LCA5L: variants seen among roughly 807,000 people sequenced by gnomAD.
LCA5L encodes lebercilin LCA5 like.
In LCA5L, 35 loss-of-function variants were observed where a neutral mutation model predicts 45.4. The observed-to-expected ratio is 0.77, with a 90% CI of 0.59 to 1.02. The LOEUF is 1.02. Among genes scored for constraint, LCA5L ranks in the 50% least tolerant of loss-of-function variants. The pLI is 0.00. For missense variants in LCA5L, 668 were observed against 761.6 expected, an observed-to-expected ratio of 0.88 and a Z score of 1.45; for synonymous variants, 233 against 264.7, an observed-to-expected ratio of 0.88 and a Z score of 1.16.
At chr21:39,421,286 A>G (rs4468898) in intron 6 of LCA5L, among the ~76,000 whole-genome samples, 152,184 of 152,184 alleles carry the variant, frequency 1, 76,092 homozygotes, top group Non-Finnish European at 1. Flanking sequence ...ATTTTTAGTA[A>G]AGACAGGGTT....
intron 7 of LCA5L, among the ~76,000 whole-genome samples, chr21:39,416,813 T>C (rs1033959100): frequency 2.0e-5 from 3 of 152,224 alleles, no homozygotes; most frequent in Non-Finnish European, 1.5e-5. Flanking sequence ...GTAAGATTTT[T>C]TTGTAAAGTT....
Position 39,427,437 on chromosome 21 carries a change from C to T in LCA5L, c.322+735G>A, listed in dbSNP as rs566743605. On this transcript the variant is annotated intron_variant, in intron 5 of 10. Transcript: ENST00000288350. The stretch of plus-strand genomic sequence containing the variant: ...CAGCACTTTGGGAGGCCGAGGCAGG[C>T]GGATCACGAGGTCAGGAGATCGAGA... 5.3e-5 allele frequency among the ~76,000 whole-genome samples: 8 copies of T among 151,914 alleles called. No homozygotes were observed. In the East Asian group the frequency reaches 1.2e-3, roughly 22 times the overall value.
intron 3 of LCA5L, among the ~76,000 whole-genome samples, chr21:39,433,916 A>ACC (rs914727466): frequency 7.1e-6 from 1 of 139,956 alleles, no homozygotes; most frequent in African/African-American, 2.6e-5. Flanking sequence ...GGTCCATGCC[A>ACC]CCACATCCAG....
At chr21:39,442,072 A>T (rs1354132127) in intron 2 of LCA5L, among the ~76,000 whole-genome samples, 1 of 146,172 alleles carries the variant, frequency 6.8e-6, no homozygotes, top group Non-Finnish European at 1.5e-5. Flanking sequence ...AAGGAAGGAG[A>T]TACAACTCTG....
chr21:39,445,095 C>T (rs1028249746), intron 1 of LCA5L, among the ~76,000 whole-genome samples: 1 of 27,568 alleles, frequency 3.6e-5, no homozygotes, highest in African/African-American at 1.4e-4. Flanking sequence ...CACATTCAGC[C>T]GTGAAAACTG....
intron 2 of LCA5L, among the ~76,000 whole-genome samples, chr21:39,441,208 C>T (rs186548049): frequency 6.6e-6 from 1 of 152,068 alleles, no homozygotes; most frequent in Admixed American, 6.6e-5. Context: ...CCCAGCCACT[C>T]AGGAGGCTGA....
Position 39,405,974 on chromosome 21 carries a change from T to C in LCA5L, c.1921A>G (p.Thr641Ala). 4 of 1,612,902 alleles carry C rather than the reference T, an allele frequency of 2.5e-6. No homozygotes were observed. Among genetic ancestry groups the C allele is most frequent in the Non-Finnish European group, 3.4e-6 (4 of 1,179,698 alleles). The stretch of plus-strand genomic sequence containing the variant: ...TTAGAGTCTCCGAAAGCATGGCTGG[T>C]GGAGGCCTGACTGGGAGGCAGGGGA... ...SHPLPPSQASTSHAFGDSKVT... is the reference protein window; with the variant it reads ...SHPLPPSQASASHAFGDSKVT... The change falls in exon 11 of 11, where the codon ACC becomes GCC. Residue 641 changes from threonine to alanine, a missense_variant. Physicochemically the swap from Thr to Ala is moderately conservative, Grantham distance 58. Transcript: ENST00000288350.
At chr21:39,431,467 CAA>C (rs890240488) in intron 3 of LCA5L, among the ~76,000 whole-genome samples, 2 of 151,634 alleles carry the variant, frequency 1.3e-5, no homozygotes, top group African/African-American at 4.9e-5. Context: ...ACCATAAAGA[CAA>C]TTTTTTTTTT....
At chr21:39,437,196 G>T (rs2076369664) in intron 2 of LCA5L, among the ~76,000 whole-genome samples, 1 of 152,174 alleles carries the variant, frequency 6.6e-6, no homozygotes, top group South Asian at 2.1e-4. Flanking sequence ...CCAAATGAAA[G>T]CTTTCCCAAT....
intron 7 of LCA5L, among the ~76,000 whole-genome samples, chr21:39,414,730 C>CTGTGTGTGTGTGTGTGTGTGTG (rs1194589760): frequency 8.8e-6 from 1 of 113,496 alleles, no homozygotes; most frequent in African/African-American, 3.8e-5. Flanking sequence ...CTCTCTCTCT[C>CTGTGTGTGTGTGTGTGTGTGTG]TCTCTCTCTC....
chr21:39,407,613 A>T (rs1017058480), intron 10 of LCA5L, among the ~76,000 whole-genome samples: 2 of 152,212 alleles, frequency 1.3e-5, no homozygotes, highest in Non-Finnish European at 2.9e-5. Context: ...GGCAGTTATT[A>T]TAGACAATGA....
At chr21:39,430,100 TG>T (rs2147997630) in intron 3 of LCA5L, among the ~76,000 whole-genome samples, 1 of 152,268 alleles carries the variant, frequency 6.6e-6, no homozygotes, top group Non-Finnish European at 1.5e-5. Flanking sequence ...AGACTACAAA[TG>T]CTCCCGTGTA....
chr21:39,429,935 A>G (rs531985032), intron 3 of LCA5L, among the ~76,000 whole-genome samples: 61 of 152,270 alleles, frequency 4.0e-4, no homozygotes, highest in African/African-American at 1.4e-3. Flanking sequence ...GGATTGCTTG[A>G]GTCCAGGAGG....
At position 39,418,082 on chromosome 21, in the gene LCA5L, TA is replaced by T. The variant is rs1449114381; in HGVS notation, c.975+2623del. 5.9e-5 allele frequency among the ~76,000 whole-genome samples: 9 copies of T among 152,164 alleles called. No individual in the cohort carries two copies. In the East Asian group the frequency reaches 1.3e-3, roughly 23 times the overall value. On this transcript the variant is annotated intron_variant, in intron 7 of 10. Coordinates refer to ENST00000288350, the MANE Select transcript of LCA5L (RefSeq NM_152505.4). ...CGCCCAGCGGGGGAGTTTCTTTTTA[TA>T]AAACCATCAGATCTCATGAGACTTA...
chr21:39,436,820 G>GA (rs918701736), intron 2 of LCA5L, among the ~76,000 whole-genome samples: 9 of 151,808 alleles, frequency 5.9e-5, no homozygotes, highest in African/African-American at 1.9e-4. Context: ...TGCCTCTTGG[G>GA]AAAAAAAACT....
At chr21:39,419,488 G>A (rs1464588002) in intron 7 of LCA5L, among the ~76,000 whole-genome samples, 1 of 140,086 alleles carries the variant, frequency 7.1e-6, no homozygotes, top group Non-Finnish European at 1.5e-5. Flanking sequence ...TGGTGCCACC[G>A]CATTCTAGTC....
At chr21:39,420,522 C>CAAAAAAAAAAAA (rs397972848) in intron 7 of LCA5L, among the ~76,000 whole-genome samples, 184 bp downstream of exon 7, 3 of 87,146 alleles carry the variant, frequency 3.4e-5, no homozygotes, top group African/African-American at 5.0e-5. Context: ...GATTCTATCT[C>CAAAAAAAAAAAA]AAAAAAAAAA....
rs138912227 is a variant in LCA5L at position 39,432,428 on chromosome 21, G to T, written c.-92+2992C>A. On this transcript the variant is annotated intron_variant, in intron 3 of 10. Coordinates refer to ENST00000288350, the MANE Select transcript of LCA5L (RefSeq NM_152505.4). Reference sequence around the variant, plus strand: ...AGATTTTAAAAAATGTATCAAATAGGTCAATTTATTTGGCTTACTGAGCGT... The same window carrying T: ...AGATTTTAAAAAATGTATCAAATAGTTCAATTTATTTGGCTTACTGAGCGT... Among the ~76,000 whole-genome samples, 743 of 152,232 alleles carry T rather than the reference G, an allele frequency of 4.9e-3. 4 individuals carry two copies. The highest frequency in any genetic ancestry group is 0.017 in the South Asian group (84 of 4,822).
intron 6 of LCA5L, among the ~76,000 whole-genome samples, chr21:39,421,280 T>C (rs1048553813): frequency 6.6e-6 from 1 of 152,054 alleles, no homozygotes; most frequent in Non-Finnish European, 1.5e-5. Context: ...TTTTGTATTT[T>C]TAGTAAAGAC....
Sources: gnomAD v4.1 joint callset for allele counts (sites outside exome capture counted in the v4.1 genomes callset) on GRCh38, gnomAD v4.1.1 for gene constraint, MANE v1.5 for transcripts, NCBI Gene and HGNC (gene_info 2026-07-23, HGNC 2026-07-21) for gene names.